The following GALNT10 variants were observed in gnomAD, a reference collection of about 807,000 sequenced individuals.
GALNT10 encodes GalNAc transferase 10.
A neutral mutation model predicts 75.0 loss-of-function variants in GALNT10; 41 were observed. The ratio of observed to expected loss-of-function variants is 0.55; its 90% CI spans 0.43 to 0.71. The LOEUF is 0.71. Ranked by LOEUF, GALNT10 falls within the 30% of genes least tolerant of loss-of-function variation. The pLI is 0.00. For synonymous variants in GALNT10, 302 were observed against 313.0 expected, an observed-to-expected ratio of 0.96 and a Z score of 0.37; for missense variants, 727 against 818.5, an observed-to-expected ratio of 0.89 and a Z score of 1.36.
At position 154,295,026 on chromosome 5, in the gene GALNT10, C is replaced by T. The variant is rs1049565494; in HGVS notation, c.262+108C>T. On this transcript the variant is annotated intron_variant, in intron 2 of 11. Coordinates refer to ENST00000297107, the MANE Select transcript of GALNT10 (RefSeq NM_198321.4). ...TGTGTGTGTTCATGTGTGTGTTTAG[C>T]AGGGGTGTCTGGACCTCCTGTTGGC... 6 of 554,052 alleles carry T rather than the reference C, an allele frequency of 1.1e-5. No homozygotes were observed. In the African/African-American group the frequency reaches 1.1e-4, roughly 11 times the overall value. 34.3% of individuals were successfully genotyped at this position (554,052 alleles called of 1,614,324 possible). A position where few individuals can be genotyped will look rare whatever the true frequency, so the allele number is the denominator to read the frequency against.
rs1756431296 is a variant in GALNT10, at chr5:154,412,932, G to C, written c.1430G>C (p.Gly477Ala). The C allele has an allele frequency of 6.2e-7, 1 of 1,613,676 alleles. No individual in the cohort carries two copies. Among genetic ancestry groups the C allele is most frequent in the Non-Finnish European group, 8.5e-7 (1 of 1,179,858 alleles). Reference protein sequence around the residue: ...GTGLCADTKHGALGSPLRLEG... With the variant: ...GTGLCADTKHAALGSPLRLEG... ...GGGCTGTGTGCAGACACAAAGCACGGGGCCTTGGGCTCCCCACTAAGGCTA... is the reference window on the plus strand; with the variant it reads ...GGGCTGTGTGCAGACACAAAGCACGCGGCCTTGGGCTCCCCACTAAGGCTA... The change falls in exon 10 of 12, where the codon GGG becomes GCG. Residue 477 changes from glycine to alanine, a missense_variant. By Grantham distance (60) the Gly-to-Ala change is moderately conservative (BLOSUM62 0). Transcript: ENST00000297107. The surrounding 1 kb of genome is among the most constrained non-coding windows in gnomAD (Gnocchi z 4.2).
At chr5:154,403,603 T>C (rs1480299672) in intron 7 of GALNT10, among the ~76,000 whole-genome samples, 3 of 152,222 alleles carry the variant, frequency 2.0e-5, no homozygotes, top group Non-Finnish European at 4.4e-5. Context: ...CCACCTTGAC[T>C]ACTTATGCTG....
At chr5:154,337,562 A>G (rs1007459847) in intron 4 of GALNT10, 8 of 767,690 alleles carry the variant, frequency 1.0e-5, no homozygotes, top group South Asian at 4.0e-5. Context: ...CTCCATCACC[A>G]TAGAGGCCAG....
intron 4 of GALNT10, among the ~76,000 whole-genome samples, chr5:154,357,698 G>T (rs987646670): frequency 6.6e-6 from 1 of 152,168 alleles, no homozygotes; most frequent in Non-Finnish European, 1.5e-5. Context: ...GAGGCCACAG[G>T]TGGGTTTGCA....
chr5:154,297,883 C>T (rs566743979), intron 2 of GALNT10, 58 bp from the exon 3 acceptor site: 24 of 1,475,092 alleles, frequency 1.6e-5, no homozygotes, highest in African/African-American at 4.2e-5. Flanking sequence ...TTTTTCCCCA[C>T]TCCATATACA....
At chr5:154,387,141 A>C (rs757703885) in intron 7 of GALNT10, 2 of 152,290 alleles carry the variant, frequency 1.3e-5, no homozygotes, top group Non-Finnish European at 2.9e-5. Flanking sequence ...AGTTTCGGTG[A>C]GTAAATATTT....
intron 7 of GALNT10, among the ~76,000 whole-genome samples, chr5:154,399,472 A>C (rs961459040): frequency 1.4e-4 from 21 of 151,952 alleles, no homozygotes; most frequent in Admixed American, 1.1e-3. Context: ...CCCCAGACAA[A>C]CCCAGCCAGG....
intron 1 of GALNT10, among the ~76,000 whole-genome samples, chr5:154,235,667 A>T (rs1273969831): frequency 1.3e-5 from 2 of 152,186 alleles, no homozygotes; most frequent in African/African-American, 4.8e-5. Context: ...CAGTTATTTA[A>T]TCACTTTGAT....
In GALNT10 at chr5:154,369,447, C is replaced by T. The variant is rs1166780843; in HGVS notation, c.569-6830C>T. Among the ~76,000 whole-genome samples, 3 of 152,222 alleles carry T rather than the reference C, an allele frequency of 2.0e-5. No homozygotes were observed. The East Asian group carries it at 5.8e-4, about 29-fold the overall frequency. On this transcript the variant is annotated intron_variant, in intron 4 of 11. Coordinates refer to ENST00000297107, the MANE Select transcript of GALNT10 (RefSeq NM_198321.4). ...ATGAAGCAATGTGTATGATAGACAG[C>T]AACAGGGCCTAGGCACGTGGTAAGC...
At chr5:154,221,542 G>C (rs1011452976) in intron 1 of GALNT10, among the ~76,000 whole-genome samples, 1 of 151,966 alleles carries the variant, frequency 6.6e-6, no homozygotes, top group African/African-American at 2.4e-5. Context: ...AGCCATGCCT[G>C]AAATTTCACC....
At chr5:154,252,375 A>G (rs570247693) in intron 1 of GALNT10, among the ~76,000 whole-genome samples, 9 of 152,274 alleles carry the variant, frequency 5.9e-5, no homozygotes, top group African/African-American at 1.4e-4. Flanking sequence ...ACTAGTGGGA[A>G]CAATATTTTC....
chr5:154,247,370 G>A (rs1398091621), intron 1 of GALNT10, among the ~76,000 whole-genome samples: 1 of 152,146 alleles, frequency 6.6e-6, no homozygotes, highest in Non-Finnish European at 1.5e-5. Context: ...GCTTGATGGG[G>A]ATGGCATTGA....
intron 8 of GALNT10, among the ~76,000 whole-genome samples, chr5:154,404,613 C>T (rs574967177): frequency 2.0e-5 from 3 of 152,254 alleles, no homozygotes; most frequent in East Asian, 1.9e-4. Context: ...AATGTGTATT[C>T]GTGTAGCTAA....
chr5:154,336,406 G>T (rs1484856634), intron 4 of GALNT10, among the ~76,000 whole-genome samples: 1 of 152,200 alleles, frequency 6.6e-6, no homozygotes, highest in East Asian at 1.9e-4. Context: ...ATAAGAAACT[G>T]CCAAATTGTC....
chr5:154,342,627 T>C (rs923436181), intron 4 of GALNT10, among the ~76,000 whole-genome samples: 3 of 152,218 alleles, frequency 2.0e-5, no homozygotes, highest in African/African-American at 4.8e-5. Context: ...TGGATAGTGA[T>C]GTCTTTGAAT....
intron 1 of GALNT10, among the ~76,000 whole-genome samples, chr5:154,198,839 G>C (rs1369290005): frequency 6.6e-6 from 1 of 152,184 alleles, no homozygotes; most frequent in Non-Finnish European, 1.5e-5. Flanking sequence ...CCCTCTAGAA[G>C]ATTTCTAACA....
intron 7 of GALNT10, among the ~76,000 whole-genome samples, chr5:154,398,567 T>C (rs1756093091): frequency 6.6e-6 from 1 of 152,086 alleles, no homozygotes; most frequent in Non-Finnish European, 1.5e-5. Context: ...TAGCAGGAAG[T>C]AGTGGGGGAC....
At chr5:154,322,109 C>T (rs1185835450) in intron 3 of GALNT10, among the ~76,000 whole-genome samples, 1 of 152,152 alleles carries the variant, frequency 6.6e-6, no homozygotes, top group Non-Finnish European at 1.5e-5. Flanking sequence ...GGTATTCTTA[C>T]AGTTCTGTAG....
intron 1 of GALNT10, among the ~76,000 whole-genome samples, chr5:154,258,336 C>G (rs986315033): frequency 2.0e-5 from 3 of 152,214 alleles, no homozygotes; most frequent in Admixed American, 2.0e-4. Flanking sequence ...TTATTCCTTA[C>G]ATTATGCTAG....
Sources: gnomAD v4.1 joint callset for allele counts (sites outside exome capture counted in the v4.1 genomes callset) on GRCh38, gnomAD v4.1.1 for gene constraint, Gnocchi (gnomAD v3.1) non-coding constraint, MANE v1.5 for transcripts, NCBI Gene and HGNC (gene_info 2026-07-23, HGNC 2026-07-21) for gene names.